The following ATP9B variants were observed in gnomAD, a reference collection of about 807,000 sequenced individuals.
ATP9B encodes the protein probable phospholipid-transporting ATPase IIB.
ATP9B carries 110 observed loss-of-function variants against 146.1 expected under a neutral mutation model. The observed-to-expected ratio is 0.75, with a 90% CI of 0.65 to 0.88. ATP9B has a LOEUF of 0.88. Among genes scored for constraint, ATP9B ranks in the 40% least tolerant of loss-of-function variants. The pLI, the probability that ATP9B is intolerant of heterozygous loss-of-function variation, is 0.00. For synonymous variants in ATP9B, 604 were observed against 569.7 expected, an observed-to-expected ratio of 1.06 and a Z score of -0.86; for missense variants, 1,499 against 1,496.4, an observed-to-expected ratio of 1.00 and a Z score of -0.03.
chr18:79,255,937 A>G (rs1219880626), intron 12 of ATP9B, among the ~76,000 whole-genome samples: 1 of 152,186 alleles, frequency 6.6e-6, no homozygotes, highest in East Asian at 1.9e-4. Context: ...TTCATGACAC[A>G]GAACGTGTTT....
At chr18:79,102,585 C>A (rs1599559499) in intron 2 of ATP9B, among the ~76,000 whole-genome samples, 1 of 152,102 alleles carries the variant, frequency 6.6e-6, no homozygotes, top group Non-Finnish European at 1.5e-5. Context: ...ATTCTTCTTA[C>A]TTTTTTCAGA....
intron 17 of ATP9B, among the ~76,000 whole-genome samples, chr18:79,335,279 G>T (rs1568730156): frequency 6.6e-6 from 1 of 152,180 alleles, no homozygotes; most frequent in Non-Finnish European, 1.5e-5. Flanking sequence ...GTCTACTTTT[G>T]TAAGTGCAGT....
At chr18:79,206,505 A>G (rs1207802528) in intron 9 of ATP9B, among the ~76,000 whole-genome samples, 1 of 152,108 alleles carries the variant, frequency 6.6e-6, no homozygotes, top group Non-Finnish European at 1.5e-5. Flanking sequence ...TTAAAGATGT[A>G]GTTGAATACG....
chr18:79,263,423 G>A (rs2096165922), intron 12 of ATP9B, among the ~76,000 whole-genome samples: 1 of 152,218 alleles, frequency 6.6e-6, no homozygotes, highest in African/African-American at 2.4e-5. Flanking sequence ...CAGATACGGA[G>A]GGTTGACTTG....
intron 15 of ATP9B, among the ~76,000 whole-genome samples, chr18:79,319,195 C>T (rs1313628169): frequency 6.6e-6 from 1 of 152,166 alleles, no homozygotes; most frequent in African/African-American, 2.4e-5. Context: ...CCATGTCAGA[C>T]ACTAAAAATA....
chr18:79,313,788 T>C (rs1043097627), intron 15 of ATP9B, among the ~76,000 whole-genome samples: 41 of 152,226 alleles, frequency 2.7e-4, no homozygotes, highest in Admixed American at 9.8e-4. Context: ...AAAATGTCTT[T>C]CTACTTGGGA....
chr18:79,343,484 T>C (rs531578082), intron 20 of ATP9B, among the ~76,000 whole-genome samples: 2 of 152,340 alleles, frequency 1.3e-5, no homozygotes, highest in African/African-American at 4.8e-5. Flanking sequence ...ATTTCAAGAT[T>C]ATGACTTACT....
chr18:79,347,274 T>C (rs554593295), intron 23 of ATP9B, among the ~76,000 whole-genome samples: 1 of 152,378 alleles, frequency 6.6e-6, no homozygotes, highest in African/African-American at 2.4e-5. Flanking sequence ...AGCGTGGCTT[T>C]TTCCTTGGCT....
At chr18:79,326,617 C>T (rs774148968) in intron 15 of ATP9B, among the ~76,000 whole-genome samples, 6 of 152,188 alleles carry the variant, frequency 3.9e-5, no homozygotes, top group Non-Finnish European at 5.9e-5. Context: ...GGTTTCATCT[C>T]TGCACACTCC....
chr18:79,376,501 T>C (rs1192011798), intron 29 of ATP9B: 8 of 690,096 alleles, frequency 1.2e-5, no homozygotes, highest in Non-Finnish European at 1.4e-5. Flanking sequence ...GTGATTCTCC[T>C]GCCTCAGCCT....
At chr18:79,321,166 G>A (rs935041700) in intron 15 of ATP9B, among the ~76,000 whole-genome samples, 8 of 152,318 alleles carry the variant, frequency 5.3e-5, no homozygotes, top group Non-Finnish European at 7.3e-5. Flanking sequence ...ACGTGCTGCA[G>A]AGCTGCAGAG....
chr18:79,093,891 T>G (rs762115950), intron 1 of ATP9B, among the ~76,000 whole-genome samples: 13 of 152,252 alleles, frequency 8.5e-5, no homozygotes, highest in Non-Finnish European at 1.8e-4. Flanking sequence ...TCCAATATGT[T>G]TTTCATACTG....
chr18:79,151,063 T>C (rs2094682089), intron 6 of ATP9B, among the ~76,000 whole-genome samples: 1 of 152,206 alleles, frequency 6.6e-6, no homozygotes, highest in African/African-American at 2.4e-5. Context: ...AAAATCCCAG[T>C]TGATGTCTTT....
chr18:79,214,053 G>A lies in ATP9B; in HGVS notation c.1107+15G>A. The A allele has an allele frequency of 6.4e-7, 1 of 1,562,444 alleles. No homozygotes were observed. The highest frequency in any genetic ancestry group is 8.7e-7 in the Non-Finnish European group (1 of 1,153,102). On this transcript the variant is annotated intron_variant, in intron 11 of 29. Coordinates refer to ENST00000426216, the MANE Select transcript of ATP9B (RefSeq NM_198531.5). ...CAAAAAATAAGGTAGGCTAGATTGA[G>A]GAGCAACTGCTTTAATGAACTTATT...
At chr18:79,123,665 T>G (rs1427671939) in intron 4 of ATP9B, among the ~76,000 whole-genome samples, 1 of 152,120 alleles carries the variant, frequency 6.6e-6, no homozygotes, top group Non-Finnish European at 1.5e-5. Context: ...ACTTTCCCAT[T>G]CCCAAACTTA....
At chr18:79,094,910 C>G (rs536847491) in intron 1 of ATP9B, among the ~76,000 whole-genome samples, 2 of 152,282 alleles carry the variant, frequency 1.3e-5, no homozygotes, top group African/African-American at 4.8e-5. Flanking sequence ...GACATGTACA[C>G]TCGGCCACTG....
chr18:79,137,248 G>C (rs2094459008), intron 5 of ATP9B, among the ~76,000 whole-genome samples: 1 of 152,166 alleles, frequency 6.6e-6, no homozygotes, highest in Admixed American at 6.5e-5. Flanking sequence ...TATAACATTT[G>C]TGTCAGTTGT....
At chr18:79,109,491 C>T (rs907038710) in intron 2 of ATP9B, among the ~76,000 whole-genome samples, 6 of 151,058 alleles carry the variant, frequency 4.0e-5, no homozygotes, top group African/African-American at 1.5e-4. Flanking sequence ...TGTGGAAATA[C>T]AGTCAAGCTT....
intron 8 of ATP9B, among the ~76,000 whole-genome samples, chr18:79,188,002 C>T (rs1017357134): frequency 1.3e-5 from 2 of 152,020 alleles, no homozygotes; most frequent in Non-Finnish European, 2.9e-5. Flanking sequence ...ATCTGGCAGG[C>T]AAGAGTCCTG....
Sources: gnomAD v4.1 joint callset for allele counts (sites outside exome capture counted in the v4.1 genomes callset) on GRCh38, gnomAD v4.1.1 for gene constraint, MANE v1.5 for transcripts, NCBI Gene and HGNC (gene_info 2026-07-23, HGNC 2026-07-21) for gene names.